The following SLC44A5 variants were observed in gnomAD, a reference collection of about 807,000 sequenced individuals.
The protein encoded by SLC44A5 is choline transporter-like protein 5.
In SLC44A5, 57 loss-of-function variants were observed where a neutral mutation model predicts 101.8. The ratio of observed to expected loss-of-function variants is 0.56; its 90% CI spans 0.45 to 0.70. The LOEUF is 0.70. Ranked by LOEUF, SLC44A5 falls within the 30% of genes least tolerant of loss-of-function variation. SLC44A5 has a pLI of 0.00. For synonymous variants in SLC44A5, 281 were observed against 290.9 expected (o/e 0.97, Z 0.35); for missense variants, 737 against 853.1 (o/e 0.86, Z 1.70).
At chr1:75,601,056 A>G (rs1674949582) in intron 1 of SLC44A5, among the ~76,000 whole-genome samples, 1 of 152,194 alleles carries the variant, frequency 6.6e-6, no homozygotes, top group African/African-American at 2.4e-5. Context: ...ATTAGTTCTG[A>G]GACTTCCTGT....
At position 75,396,787 on chromosome 1, in the gene SLC44A5, C is replaced by G; in HGVS notation, c.14-166G>C. 4 of 584,250 alleles carry G rather than the reference C, an allele frequency of 6.8e-6. No individual in the cohort carries two copies. In the South Asian group the frequency reaches 9.2e-5, roughly 13 times the overall value. The allele number at this position is 584,250 out of a possible 1,614,324, so 36.2% of individuals were successfully genotyped here. A position where few individuals can be genotyped will look rare whatever the true frequency, so the allele number is the denominator to read the frequency against. On this transcript the variant is annotated intron_variant, in intron 2 of 23. Transcript: ENST00000370859. Reference sequence around the variant, plus strand: ...AGTAATTCTTTATACACAAAGCTGCCAATAATGAGCATTTATTCTTAAGAA... The same window carrying G: ...AGTAATTCTTTATACACAAAGCTGCGAATAATGAGCATTTATTCTTAAGAA...
chr1:75,424,503 C>T (rs988157862), intron 2 of SLC44A5, among the ~76,000 whole-genome samples: 2 of 152,138 alleles, frequency 1.3e-5, no homozygotes, highest in African/African-American at 2.4e-5. Context: ...CCAGGTTTCA[C>T]CACGTTGACC....
intron 2 of SLC44A5, among the ~76,000 whole-genome samples, chr1:75,454,187 A>C (rs2101670421): frequency 6.6e-6 from 1 of 152,308 alleles, no homozygotes; most frequent in African/African-American, 2.4e-5. Flanking sequence ...TCACATTAAA[A>C]AATGTAATTC....
intron 2 of SLC44A5, among the ~76,000 whole-genome samples, chr1:75,493,349 A>G (rs1330675751): frequency 1.3e-5 from 2 of 152,220 alleles, no homozygotes; most frequent in East Asian, 1.9e-4. Context: ...CAAGCCAGAT[A>G]TCGAACAATA....
the SLC44A5 span, among the ~76,000 whole-genome samples, chr1:75,717,136 A>G: frequency 6.6e-6 from 1 of 152,102 alleles, no homozygotes; most frequent in Non-Finnish European, 1.5e-5. Flanking sequence ...AGCAACACAG[A>G]TGGCACTCAA....
intron 3 of SLC44A5, among the ~76,000 whole-genome samples, chr1:75,343,400 G>T (rs1658025457): frequency 1.3e-5 from 2 of 152,148 alleles, no homozygotes; most frequent in African/African-American, 4.8e-5. Context: ...CATAGGGGCA[G>T]ATTTCACATG....
the SLC44A5 span, among the ~76,000 whole-genome samples, chr1:75,624,711 G>A: frequency 6.6e-6 from 1 of 152,072 alleles, no homozygotes; most frequent in Non-Finnish European, 1.5e-5. Flanking sequence ...ACTAGAAGAG[G>A]ATGATCACTG....
At chr1:75,326,099 T>TCC (rs1385480570) in intron 4 of SLC44A5, among the ~76,000 whole-genome samples, 1 of 56,478 alleles carries the variant, frequency 1.8e-5, no homozygotes, top group African/African-American at 6.9e-5. Flanking sequence ...TCTCTCCGTG[T>TCC]GTGTGTGTGT....
In SLC44A5 at chr1:75,240,882, C is replaced by T. The variant is rs897612052; in HGVS notation, c.532+1119G>A. Among the ~76,000 whole-genome samples, 7 of 152,040 alleles carry T rather than the reference C, an allele frequency of 4.6e-5. No homozygotes were observed. The South Asian group carries it at 8.3e-4, about 18-fold the overall frequency. Reference sequence around the variant, plus strand: ...GACTACTTAATGTTTTGGTATATTTCGTTCCAATCTTTTTCTTTGAAGAGG... The same window carrying T: ...GACTACTTAATGTTTTGGTATATTTTGTTCCAATCTTTTTCTTTGAAGAGG... On this transcript the variant is annotated intron_variant, in intron 9 of 23. Transcript: ENST00000370859.
chr1:75,448,216 G>A (rs1292326292), intron 2 of SLC44A5, among the ~76,000 whole-genome samples: 1 of 152,134 alleles, frequency 6.6e-6, no homozygotes, highest in African/African-American at 2.4e-5. Flanking sequence ...GCAGTGGGGA[G>A]GCTCTGCTCC....
At chr1:75,654,680 C>T in the SLC44A5 span, among the ~76,000 whole-genome samples, 1 of 152,102 alleles carries the variant, frequency 6.6e-6, no homozygotes, top group Admixed American at 6.5e-5. Context: ...CCCTGAAGCC[C>T]ATTAAAAGAC....
chr1:75,413,108 G>A (rs947913902), intron 2 of SLC44A5, among the ~76,000 whole-genome samples: 8 of 152,098 alleles, frequency 5.3e-5, no homozygotes, highest in African/African-American at 1.9e-4. Flanking sequence ...CTTTTATTAT[G>A]CTATGTTATT....
At chr1:75,279,254 G>A (rs1036571271) in intron 5 of SLC44A5, among the ~76,000 whole-genome samples, 6 of 151,992 alleles carry the variant, frequency 3.9e-5, no homozygotes, top group African/African-American at 1.2e-4. Flanking sequence ...GTACCTCCAT[G>A]AGATCCACTT....
At chr1:75,634,868 G>T in the SLC44A5 span, among the ~76,000 whole-genome samples, 1 of 152,222 alleles carries the variant, frequency 6.6e-6, no homozygotes, top group African/African-American at 2.4e-5. Context: ...AGAGTGAACA[G>T]GCAACCTACA....
intron 2 of SLC44A5, among the ~76,000 whole-genome samples, chr1:75,472,525 T>C (rs961558406): frequency 2.0e-5 from 3 of 152,218 alleles, no homozygotes; most frequent in Non-Finnish European, 4.4e-5. Context: ...TTAAGCAAGC[T>C]AGGAGTGTTT....
intron 5 of SLC44A5, among the ~76,000 whole-genome samples, chr1:75,291,042 A>C (rs891412017): frequency 7.2e-5 from 11 of 152,224 alleles, no homozygotes; most frequent in Non-Finnish European, 1.3e-4. Context: ...TGAAGAAAAC[A>C]GAAAAACAAC....
intron 4 of SLC44A5, among the ~76,000 whole-genome samples, chr1:75,323,529 A>C (rs1182446884): frequency 6.6e-6 from 1 of 152,178 alleles, no homozygotes; most frequent in Non-Finnish European, 1.5e-5. Flanking sequence ...TGACTTCCAC[A>C]ATGGCTTCCA....
chr1:75,277,883 T>C (rs1652061175), intron 5 of SLC44A5, among the ~76,000 whole-genome samples: 1 of 152,118 alleles, frequency 6.6e-6, no homozygotes, highest in Non-Finnish European at 1.5e-5. Flanking sequence ...AGATGGTCTG[T>C]GTTTGAGCTG....
the SLC44A5 span, among the ~76,000 whole-genome samples, chr1:75,684,978 C>T: frequency 6.6e-6 from 1 of 152,212 alleles, no homozygotes; most frequent in Non-Finnish European, 1.5e-5. Context: ...TCTGCCTAGA[C>T]ATCCAGGCAT....
Sources: allele counts gnomAD v4.1 joint callset (sites outside exome capture counted in the v4.1 genomes callset), GRCh38; gene constraint gnomAD v4.1.1; transcripts MANE v1.5; gene names NCBI Gene and HGNC (gene_info 2026-07-23, HGNC 2026-07-21).